DPP9: variants seen among roughly 807,000 people sequenced by gnomAD.
DPP9 encodes the protein dipeptidyl peptidase 9.
In DPP9, 50 loss-of-function variants were observed where a neutral mutation model predicts 110.7. That is an observed-to-expected ratio of 0.45 (90% CI 0.36 to 0.57). The LOEUF (loss-of-function observed/expected upper bound fraction) is 0.57. Among genes scored for constraint, DPP9 ranks in the 20% least tolerant of loss-of-function variants. The pLI is 0.00. For synonymous variants in DPP9, 561 were observed against 514.4 expected (o/e 1.09, Z -1.23); for missense variants, 1,022 against 1,217.9 (o/e 0.84, Z 2.39).
In DPP9 at chr19:4,685,081, C is replaced by T. The variant is rs1239056439; in HGVS notation, c.2032-272G>A. The T allele has an allele frequency of 1.6e-6, 1 of 632,070 alleles. No individual in the cohort carries two copies. Among genetic ancestry groups the T allele is most frequent in the Non-Finnish European group, 2.9e-6 (1 of 340,260 alleles). The allele number at this position is 632,070 out of a possible 1,614,324, so 39.2% of individuals were successfully genotyped here. A position where few individuals can be genotyped will look rare whatever the true frequency, so the allele number is the denominator to read the frequency against. ...GTCCTGCCTGGAACAACTACTCTGGCATGATGGACATTGGGGTGGCTCCTT... is the reference window on the plus strand; with the variant it reads ...GTCCTGCCTGGAACAACTACTCTGGTATGATGGACATTGGGGTGGCTCCTT... On this transcript the variant is annotated intron_variant, in intron 17 of 21. Transcript: ENST00000262960. This position sits in a 1 kb window ranked among gnomAD's most constrained non-coding sequence, Gnocchi z 5.8.
rs2088740841 is a variant in DPP9, at chr19:4,675,427, T to C, written c.*1137A>G. The C allele has an allele frequency of 6.6e-6, 1 of 151,124 alleles. No individual in the cohort carries two copies. The highest frequency in any genetic ancestry group is 2.1e-4 in the South Asian group (1 of 4,774). 9.4% of individuals were successfully genotyped at this position (151,124 alleles called of 1,614,324 possible). A position where few individuals can be genotyped will look rare whatever the true frequency, so the allele number is the denominator to read the frequency against. On this transcript the variant is annotated 3_prime_UTR_variant, in exon 22 of 22. Coordinates refer to ENST00000262960, the MANE Select transcript of DPP9 (RefSeq NM_139159.5). ...GGGGAGGGAAGGGGAGAGGGAAATA[T>C]AACCCTGAGGTGGGGATGGTTCAGC...
rs930365693 is a variant in DPP9, at chr19:4,722,413, C to T, written c.-36+86G>A. ...CAGGGCCATAGAAAACCATTTCCTG[C>T]CCATGTCTATATTCTAGAGCAGGCA... On this transcript the variant is annotated intron_variant, in intron 2 of 21. Transcript: ENST00000262960. 10 of 669,494 alleles carry T rather than the reference C, an allele frequency of 1.5e-5. No homozygotes were observed. In the Middle Eastern group the frequency reaches 1.2e-3, roughly 82 times the overall value. The allele number at this position is 669,494 out of a possible 1,614,324, so 41.5% of individuals were successfully genotyped here. A position where few individuals can be genotyped will look rare whatever the true frequency, so the allele number is the denominator to read the frequency against.
intron 3 of DPP9, 63 bp downstream of exon 3, chr19:4,719,788 G>A (rs1279917542): frequency 2.0e-6 from 3 of 1,535,086 alleles, no homozygotes; most frequent in Non-Finnish European, 2.7e-6. Context: ...ATCTTAGACT[G>A]TTGGGGAATT....
chr19:4,721,309 C>A (rs902367457), intron 2 of DPP9, among the ~76,000 whole-genome samples: 1 of 152,254 alleles, frequency 6.6e-6, no homozygotes, highest in Admixed American at 6.5e-5. Context: ...CTGGTCCCAA[C>A]AGATTGCCTG....
rs944519282 is a variant in DPP9, at chr19:4,705,724, C to G, written c.426+134G>C. ...GGAGGGAAGGCTCACCCGCCAGAGT[C>G]CACAGGACGGAGGGTTTGTGGGAAC... is the stretch of plus-strand genomic sequence containing the variant. On this transcript the variant is annotated intron_variant, in intron 5 of 21. Transcript: ENST00000262960. 8 of 781,444 alleles carry G rather than the reference C, an allele frequency of 1.0e-5. No individual in the cohort carries two copies. In the African/African-American group the frequency reaches 1.2e-4, roughly 12 times the overall value. 48.4% of individuals were successfully genotyped at this position (781,444 alleles called of 1,614,324 possible). A position where few individuals can be genotyped will look rare whatever the true frequency, so the allele number is the denominator to read the frequency against.
At position 4,676,138 on chromosome 19, in the gene DPP9, G is replaced by T. The variant is rs905853581; in HGVS notation, c.*426C>A. On this transcript the variant is annotated 3_prime_UTR_variant, in exon 22 of 22. Transcript: ENST00000262960. The surrounding 1 kb of genome is among the most constrained non-coding windows in gnomAD (Gnocchi z 4.0). ...ACACAAACATCAAGTTGGGGAGGCT[G>T]GCCGGGGGGGACAGGCAATTGCATG... The T allele has an allele frequency of 1.7e-5, 3 of 181,078 alleles. No individual in the cohort carries two copies. The highest frequency in any genetic ancestry group is 3.5e-5 in the Non-Finnish European group (3 of 86,372). 11.2% of individuals were successfully genotyped at this position (181,078 alleles called of 1,614,324 possible). A position where few individuals can be genotyped will look rare whatever the true frequency, so the allele number is the denominator to read the frequency against.
At chr19:4,703,255 G>A (rs2092395691) in intron 7 of DPP9, among the ~76,000 whole-genome samples, 1 of 152,134 alleles carries the variant, frequency 6.6e-6, no homozygotes, top group Non-Finnish European at 1.5e-5. Context: ...AGGGGAAGGT[G>A]TGCAGGGGCA....
rs200204294 is a variant in DPP9, at chr19:4,685,682, C to T, written c.1975G>A (p.Ala659Thr). 60 of 1,613,080 alleles carry T rather than the reference C, an allele frequency of 3.7e-5. No individual in the cohort carries two copies. In the East Asian group the frequency reaches 9.6e-4, roughly 26 times the overall value. ...GGGTGCTTCTTCCCTGGCTGCAAGG[C>T]GTGGGGCTTGTAGATCATGCCGTAG... ...RLYGMIYKPH[A>T]LQPGKKHPTV... is the part of the protein sequence containing the mutation. Residue 659 changes from alanine (A) to threonine (T), a missense_variant, in exon 17 of 22, where the codon GCC becomes ACC. By Grantham distance (58) the Ala-to-Thr change is moderately conservative (BLOSUM62 0). Coordinates refer to ENST00000262960, the MANE Select transcript of DPP9 (RefSeq NM_139159.5). This position sits in a 1 kb window ranked among gnomAD's most constrained non-coding sequence, Gnocchi z 5.8.
Position 4,719,735 on chromosome 19 carries a change from G to A in DPP9, c.56+116C>T, listed in dbSNP as rs992530831. 1.1e-5 allele frequency: 13 copies of A among 1,220,804 alleles called. 1 individual carries two copies. Among genetic ancestry groups the A allele is most frequent in the South Asian group, 7.9e-5 (6 of 75,892 alleles). The allele number at this position is 1,220,804 out of a possible 1,614,324, so 75.6% of individuals were successfully genotyped here. A position where few individuals can be genotyped will look rare whatever the true frequency, so the allele number is the denominator to read the frequency against. ...AAATAACCAGAACAGTCTTGGGGAC[G>A]TGCTGGGGAAGCCAGGGGAGAGGGA... On this transcript the variant is annotated intron_variant, in intron 3 of 21. Coordinates refer to ENST00000262960, the MANE Select transcript of DPP9 (RefSeq NM_139159.5).
In DPP9 at chr19:4,676,802, T is replaced by C. The variant is rs2088893968; in HGVS notation, c.2587-146A>G. The stretch of plus-strand genomic sequence containing the variant: ...CTGGGTTTGAATCCCACCTCGGCTG[T>C]TGACTTGCAGTGTAACTCTGGGCCT... On this transcript the variant is annotated intron_variant, in intron 21 of 21. Transcript: ENST00000262960. The surrounding 1 kb of genome is among the most constrained non-coding windows in gnomAD (Gnocchi z 4.0). 8 of 668,498 alleles carry C rather than the reference T, an allele frequency of 1.2e-5. No individual in the cohort carries two copies. Among genetic ancestry groups the C allele is most frequent in the South Asian group, 1.7e-5 (1 of 59,192 alleles). The allele number at this position is 668,498 out of a possible 1,614,324, so 41.4% of individuals were successfully genotyped here. A position where few individuals can be genotyped will look rare whatever the true frequency, so the allele number is the denominator to read the frequency against.
chr19:4,720,577 T>C (rs2093276472), intron 2 of DPP9, among the ~76,000 whole-genome samples: 1 of 152,188 alleles, frequency 6.6e-6, no homozygotes, highest in African/African-American at 2.4e-5. Flanking sequence ...TAATTCCAGT[T>C]GTCCCCTTCC....
rs999711755 is a variant in DPP9 at position 4,718,243 on chromosome 19, G to T, written c.56+1608C>A. The stretch of plus-strand genomic sequence containing the variant: ...AGCTCCAAAGCTCTGTGATGTCTGT[G>T]TCTGAGCTGGTGCTTTGGTGGCGAG... On this transcript the variant is annotated intron_variant, in intron 3 of 21. Coordinates refer to ENST00000262960, the MANE Select transcript of DPP9 (RefSeq NM_139159.5). The surrounding 1 kb of genome is among the most constrained non-coding windows in gnomAD (Gnocchi z 4.3). 6.6e-6 allele frequency among the ~76,000 whole-genome samples: 1 copy of T among 152,196 alleles called. No individual in the cohort carries two copies. Among genetic ancestry groups the T allele is most frequent in the African/African-American group, 2.4e-5 (1 of 41,442 alleles).
At chr19:4,706,083 G>A (rs914046384) in intron 4 of DPP9, 113 bp from the exon 5 acceptor site, 1 of 900,610 alleles carries the variant, frequency 1.1e-6, no homozygotes, top group African/African-American at 1.7e-5. Context: ...CATTCTGCCA[G>A]GCCGCCGGCG....
chr19:4,713,902 C>A (rs371763686), intron 4 of DPP9, among the ~76,000 whole-genome samples, 179 bp downstream of exon 4: 148 of 152,284 alleles, frequency 9.7e-4, no homozygotes, highest in Middle Eastern at 6.8e-3. Context: ...ACCCACCCCG[C>A]GGCAGCCCTT....
In DPP9 at chr19:4,704,386, G is replaced by A. The variant is rs1228409669; in HGVS notation, c.427-82C>T. 1.1e-5 allele frequency: 17 copies of A among 1,502,018 alleles called. No individual in the cohort carries two copies. The highest frequency in any genetic ancestry group is 1.3e-5 in the Non-Finnish European group (14 of 1,108,066). The allele number at this position is 1,502,018 out of a possible 1,614,324, so 93.0% of individuals were successfully genotyped here. ...GGCCAGGGCAGAGATCCTCGGGCTG[G>A]GGCATTCCCAGGGAATCTGACTTCG... is the stretch of plus-strand genomic sequence containing the variant. On this transcript the variant is annotated intron_variant, in intron 5 of 21. Transcript: ENST00000262960. The surrounding 1 kb of genome is among the most constrained non-coding windows in gnomAD (Gnocchi z 6.0).
Position 4,704,530 on chromosome 19 carries a change from G to A in DPP9, c.427-226C>T, listed in dbSNP as rs574772255. ...CTGCAGGACTGGCTGAGTGTCCTAG[G>A]AGGTGGCAGGGGAGACTCTGGGGCC... On this transcript the variant is annotated intron_variant, in intron 5 of 21. Coordinates refer to ENST00000262960, the MANE Select transcript of DPP9 (RefSeq NM_139159.5). This position sits in a 1 kb window ranked among gnomAD's most constrained non-coding sequence, Gnocchi z 6.0. Among the ~76,000 whole-genome samples the A allele has an allele frequency of 9.2e-5, 14 of 152,226 alleles. No homozygotes were observed. The highest frequency in any genetic ancestry group is 3.3e-4 in the Admixed American group (5 of 15,310).
chr19:4,719,998 G>A, intron 2 of DPP9, 57 bp from the exon 3 acceptor site: 2 of 1,437,204 alleles, frequency 1.4e-6, no homozygotes, highest in Non-Finnish European at 1.9e-6. Context: ...GTGGGGAGTG[G>A]GCGCTCCTGC....
At position 4,685,670 on chromosome 19, in the gene DPP9, C is replaced by G. The variant is rs1390215526; in HGVS notation, c.1987G>C (p.Gly663Arg). The change falls in exon 17 of 22, where the codon GGG becomes CGG. Residue 663 changes from glycine (G) to arginine (R), a missense_variant. By Grantham distance (125) the Gly-to-Arg change is moderately radical (BLOSUM62 -2). Coordinates refer to ENST00000262960, the MANE Select transcript of DPP9 (RefSeq NM_139159.5). The surrounding 1 kb of genome is among the most constrained non-coding windows in gnomAD (Gnocchi z 5.8). ...MIYKPHALQPGKKHPTVLFVY... is the reference protein window; with the variant it reads ...MIYKPHALQPRKKHPTVLFVY... ...AAGAGGACGGTGGGGTGCTTCTTCCCTGGCTGCAAGGCGTGGGGCTTGTAG... is the reference window on the plus strand; with the variant it reads ...AAGAGGACGGTGGGGTGCTTCTTCCGTGGCTGCAAGGCGTGGGGCTTGTAG... 6.2e-7 allele frequency: 1 copy of G among 1,612,582 alleles called. No individual in the cohort carries two copies. Among genetic ancestry groups the G allele is most frequent in the Admixed American group, 1.7e-5 (1 of 59,810 alleles).
chr19:4,677,128 T>C (rs1038014077), intron 21 of DPP9, among the ~76,000 whole-genome samples: 8 of 152,140 alleles, frequency 5.3e-5, no homozygotes, highest in African/African-American at 1.7e-4. Flanking sequence ...TGAAGCATTT[T>C]CTGGGTCCTC....
Sources: gnomAD v4.1 joint callset for allele counts (sites outside exome capture counted in the v4.1 genomes callset) on GRCh38, gnomAD v4.1.1 for gene constraint, Gnocchi (gnomAD v3.1) non-coding constraint, MANE v1.5 for transcripts, NCBI Gene and HGNC (gene_info 2026-07-23, HGNC 2026-07-21) for gene names.